CALN1: variants seen among roughly 807,000 people sequenced by gnomAD.
The protein encoded by CALN1 is calcium-binding protein 8.
In CALN1, 17 loss-of-function variants were observed where a neutral mutation model predicts 30.6. The ratio of observed to expected loss-of-function variants is 0.56; its 90% CI spans 0.38 to 0.83. The LOEUF is 0.83. Ranked by LOEUF, CALN1 falls within the 40% of genes least tolerant of loss-of-function variation. The pLI is 0.00. For synonymous variants in CALN1, 156 were observed against 131.4 expected, an observed-to-expected ratio of 1.19 and a Z score of -1.28; for missense variants, 291 against 354.9, an observed-to-expected ratio of 0.82 and a Z score of 1.45.
Position 71,813,766 on chromosome 7 carries a change from A to G in CALN1, c.502-3274T>C, listed in dbSNP as rs532605828. 7.9e-5 allele frequency among the ~76,000 whole-genome samples: 12 copies of G among 151,914 alleles called. No individual in the cohort carries two copies. In the East Asian group the frequency reaches 2.3e-3, roughly 30 times the overall value. ...AACATGGTGAAACCCCGTCTCTACT[A>G]AAAAATACAAAAAAATTAGCCGGGC... On this transcript the variant is annotated intron_variant, in intron 5 of 6. Transcript: ENST00000395275.
chr7:71,898,139 G>A (rs946930188), intron 5 of CALN1, among the ~76,000 whole-genome samples: 2 of 151,722 alleles, frequency 1.3e-5, no homozygotes, highest in African/African-American at 4.8e-5. Flanking sequence ...AGACCAGCCT[G>A]GCCAACATGG....
intron 5 of CALN1, among the ~76,000 whole-genome samples, chr7:71,976,803 C>A (rs1398745088): frequency 1.3e-5 from 2 of 152,186 alleles, no homozygotes; most frequent in Non-Finnish European, 2.9e-5. Context: ...ACCAAGATGG[C>A]TGGCTGGAGT....
intron 1 of CALN1, among the ~76,000 whole-genome samples, chr7:72,443,060 T>C (rs1258599081): frequency 6.6e-6 from 1 of 152,232 alleles, no homozygotes; most frequent in Non-Finnish European, 1.5e-5. Flanking sequence ...TGTTAAGAAT[T>C]GCACTTAGGA....
At chr7:72,144,831 G>A (rs1339249282) in intron 3 of CALN1, among the ~76,000 whole-genome samples, 7 of 152,166 alleles carry the variant, frequency 4.6e-5, no homozygotes, top group South Asian at 2.1e-4. Context: ...ACTCAAAACC[G>A]CTCAACTACA....
chr7:71,863,616 T>TA (rs1791428472), intron 5 of CALN1, among the ~76,000 whole-genome samples: 1 of 119,734 alleles, frequency 8.4e-6, no homozygotes, highest in Non-Finnish European at 1.8e-5. Flanking sequence ...AAAACACCCA[T>TA]ACAAGCAACT....
intron 5 of CALN1, among the ~76,000 whole-genome samples, chr7:71,922,009 C>T (rs754590509): frequency 6.6e-6 from 1 of 152,126 alleles, no homozygotes; most frequent in Non-Finnish European, 1.5e-5. Flanking sequence ...ACTGAGTGGC[C>T]GTTATGGCCA....
rs563127731 is a variant in CALN1 at position 72,346,870 on chromosome 7, A to T, written c.119+56381T>A. Among the ~76,000 whole-genome samples, 3 of 152,330 alleles carry T rather than the reference A, an allele frequency of 2.0e-5. No homozygotes were observed. In the South Asian group the frequency reaches 6.2e-4, roughly 32 times the overall value. ...GTAGCAATTCTGGAACCCATCAAAAAATAAAGAAAATGCACTCAATAGATG... is the reference window on the plus strand; with the variant it reads ...GTAGCAATTCTGGAACCCATCAAAATATAAAGAAAATGCACTCAATAGATG... On this transcript the variant is annotated intron_variant, in intron 2 of 6. Coordinates refer to ENST00000395275, the MANE Select transcript of CALN1 (RefSeq NM_031468.4).
At chr7:71,907,630 T>C (rs546384952) in intron 5 of CALN1, among the ~76,000 whole-genome samples, 2 of 152,332 alleles carry the variant, frequency 1.3e-5, no homozygotes, top group East Asian at 3.9e-4. Flanking sequence ...ATACCTACTT[T>C]GCTAGGTCTT....
intron 3 of CALN1, among the ~76,000 whole-genome samples, chr7:72,256,495 C>T (rs759989443): frequency 6.6e-5 from 10 of 152,130 alleles, no homozygotes; most frequent in Non-Finnish European, 1.2e-4. Context: ...CACACACATA[C>T]ACATACTTCT....
At chr7:72,086,428 A>G (rs957549392) in intron 4 of CALN1, among the ~76,000 whole-genome samples, 2 of 151,944 alleles carry the variant, frequency 1.3e-5, no homozygotes, top group South Asian at 2.1e-4. Context: ...TGTAGTTGTT[A>G]TTATTATTAT....
intron 1 of CALN1, among the ~76,000 whole-genome samples, chr7:72,423,380 GCCCCAGGGCAGGGACCA>G (rs2129563738): frequency 6.6e-6 from 1 of 152,028 alleles, no homozygotes; most frequent in South Asian, 2.1e-4. Flanking sequence ...AGAAAGCCTA[GCCCCAGGGCAGGGACCA>G]GCAGAGGGGC....
chr7:72,226,118 G>A (rs961333963), intron 3 of CALN1, among the ~76,000 whole-genome samples: 18 of 145,898 alleles, frequency 1.2e-4, no homozygotes, highest in African/African-American at 2.3e-4. Context: ...AAAATTAGCC[G>A]GGCATGGTGG....
intron 2 of CALN1, chr7:72,336,732 G>C (rs903765322): frequency 1.0e-6 from 1 of 985,202 alleles, no homozygotes; most frequent in Admixed American, 6.2e-5. Flanking sequence ...TCCGCAGCCC[G>C]GCAGCCGAGG....
chr7:71,871,776 G>GT (rs1051077007), intron 5 of CALN1, among the ~76,000 whole-genome samples: 5 of 151,494 alleles, frequency 3.3e-5, no homozygotes, highest in Admixed American at 6.6e-5. Context: ...CCACTCTTAT[G>GT]TTTTTTTTCA....
At chr7:72,089,210 C>T (rs774316573) in intron 4 of CALN1, among the ~76,000 whole-genome samples, 12 of 151,932 alleles carry the variant, frequency 7.9e-5, no homozygotes, top group Non-Finnish European at 1.3e-4. Flanking sequence ...TTCTTATCTT[C>T]CATAAAAAAG....
chr7:72,098,379 G>A (rs1012037337), intron 4 of CALN1, among the ~76,000 whole-genome samples: 2 of 152,146 alleles, frequency 1.3e-5, no homozygotes, highest in South Asian at 4.1e-4. Context: ...CAGGCACTGG[G>A]CAGAAGTTTG....
At chr7:72,100,677 G>A (rs1269810533) in intron 4 of CALN1, among the ~76,000 whole-genome samples, 8 of 151,706 alleles carry the variant, frequency 5.3e-5, no homozygotes, top group East Asian at 2.0e-4. Flanking sequence ...AAAACTAGCC[G>A]GGCGTGGTGG....
intron 2 of CALN1, chr7:72,336,840 C>A: frequency 5.1e-6 from 5 of 985,102 alleles, no homozygotes; most frequent in Non-Finnish European, 6.0e-6. Context: ...CTCTCGCTCA[C>A]ACCCCCAGCA....
chr7:72,349,026 AAAG>A (rs1282055461), intron 2 of CALN1, among the ~76,000 whole-genome samples: 3 of 152,230 alleles, frequency 2.0e-5, no homozygotes, highest in East Asian at 1.9e-4. Context: ...CAAACTAAAA[AAAG>A]AAGCAAATAA....
Sources: allele counts gnomAD v4.1 joint callset (sites outside exome capture counted in the v4.1 genomes callset), GRCh38; gene constraint gnomAD v4.1.1; transcripts MANE v1.5; gene names NCBI Gene and HGNC (gene_info 2026-07-23, HGNC 2026-07-21).